Variants in ZFHX3 observed in about 807,000 individuals in gnomAD.
The protein encoded by ZFHX3 is zinc finger homeobox 3, also known as zinc finger homeobox protein 3.
Under a neutral mutation model 279.1 loss-of-function variants are expected in ZFHX3, and 42 were observed. The ratio of observed to expected loss-of-function variants is 0.15; its 90% CI spans 0.12 to 0.19. The LOEUF (loss-of-function observed/expected upper bound fraction) is 0.19, where lower values mean the gene tolerates loss of function less well. ZFHX3 is among the 10% of genes least tolerant of loss of function. The pLI, the probability that ZFHX3 is intolerant of heterozygous loss-of-function variation, is 1.00. For missense variants in ZFHX3, 4,981 were observed against 4,754.0 expected (o/e 1.05, Z -1.40); for synonymous variants, 2,293 against 1,957.8 (o/e 1.17, Z -4.52).
chr16:72,990,778 C>T (rs779014622), intron 1 of ZFHX3, among the ~76,000 whole-genome samples: 9 of 152,060 alleles, frequency 5.9e-5, no homozygotes, highest in Non-Finnish European at 1.2e-4. Context: ...GCCAGGACTT[C>T]GAGACCAGCC....
At chr16:73,821,759 C>A (rs999333922) in intron 1 of ZFHX3, among the ~76,000 whole-genome samples, 1 of 152,208 alleles carries the variant, frequency 6.6e-6, no homozygotes, top group African/African-American at 2.4e-5. Context: ...CTGCAGCCTA[C>A]AGCAGACATA....
At chr16:72,827,179 C>G (rs2036953412) in intron 5 of ZFHX3, among the ~76,000 whole-genome samples, 1 of 152,180 alleles carries the variant, frequency 6.6e-6, no homozygotes, top group African/African-American at 2.4e-5. Context: ...TATGTTGCTT[C>G]TCCCTCAGCT....
At chr16:73,195,985 A>G (rs1304729403) in intron 5 of ZFHX3, among the ~76,000 whole-genome samples, 1 of 152,188 alleles carries the variant, frequency 6.6e-6, no homozygotes, top group Non-Finnish European at 1.5e-5. Flanking sequence ...ATTGCCTAAC[A>G]CACATGCCGT....
At chr16:73,199,313 T>C (rs982283520) in intron 5 of ZFHX3, among the ~76,000 whole-genome samples, 1 of 152,182 alleles carries the variant, frequency 6.6e-6, no homozygotes, top group African/African-American at 2.4e-5. Context: ...GACAAAGAAA[T>C]TGCCATATTT....
intron 3 of ZFHX3, among the ~76,000 whole-genome samples, chr16:73,332,934 C>T (rs1401182272): frequency 1.3e-5 from 2 of 152,094 alleles, no homozygotes; most frequent in African/African-American, 4.8e-5. Flanking sequence ...TTGTACTTCC[C>T]TCTTTCCTTT....
intron 3 of ZFHX3, among the ~76,000 whole-genome samples, chr16:73,436,563 G>T (rs370110950): frequency 1.3e-5 from 2 of 152,136 alleles, no homozygotes; most frequent in Admixed American, 6.5e-5. Flanking sequence ...TCCACAACAC[G>T]TGGGAATTAT....
chr16:73,638,961 A>T (rs925539495), intron 2 of ZFHX3, among the ~76,000 whole-genome samples: 1 of 152,190 alleles, frequency 6.6e-6, no homozygotes, highest in Non-Finnish European at 1.5e-5. Flanking sequence ...CTGAAAAGAG[A>T]AGAGAGAAGC....
At chr16:73,858,504 T>C (rs935257866) in intron 1 of ZFHX3, among the ~76,000 whole-genome samples, 2 of 152,234 alleles carry the variant, frequency 1.3e-5, no homozygotes, top group African/African-American at 4.8e-5. Flanking sequence ...TTGCACTGTG[T>C]CACACTATAT....
chr16:73,815,151 C>T (rs79900554), intron 1 of ZFHX3, among the ~76,000 whole-genome samples: 123 of 152,270 alleles, frequency 8.1e-4, no homozygotes, highest in African/African-American at 2.9e-3. Context: ...ATAATGAGAA[C>T]GATGCCAATT....
At chr16:73,273,417 T>C (rs2014205552) in intron 4 of ZFHX3, among the ~76,000 whole-genome samples, 1 of 152,174 alleles carries the variant, frequency 6.6e-6, no homozygotes, top group Admixed American at 6.6e-5. Context: ...ATAAAATGAG[T>C]TCTGACTCCG....
chr16:72,924,907 T>C (rs957438047), intron 3 of ZFHX3, among the ~76,000 whole-genome samples: 1 of 152,194 alleles, frequency 6.6e-6, no homozygotes, highest in Non-Finnish European at 1.5e-5. Context: ...TCCCATTTCC[T>C]CCTACCCTTT....
At chr16:73,584,666 G>A (rs921317687) in intron 2 of ZFHX3, among the ~76,000 whole-genome samples, 3 of 152,182 alleles carry the variant, frequency 2.0e-5, no homozygotes, top group Non-Finnish European at 2.9e-5. Context: ...ATAAGGTCAG[G>A]TCATAGGCAT....
intron 1 of ZFHX3, among the ~76,000 whole-genome samples, chr16:73,723,065 T>C (rs895952272): frequency 2.6e-5 from 4 of 152,174 alleles, no homozygotes; most frequent in African/African-American, 9.7e-5. Flanking sequence ...AATGAGACCA[T>C]ACTCGCCATC....
rs770771432 is a variant in ZFHX3 at position 72,793,607 on chromosome 16, C to T, written c.9075G>A (p.Glu3025=). 3 of 1,614,076 alleles carry T rather than the reference C, an allele frequency of 1.9e-6. No individual in the cohort carries two copies. The highest frequency in any genetic ancestry group is 1.3e-5 in the African/African-American group (1 of 74,930). The change falls in exon 9 of 10, where the codon GAG becomes GAA. Residue 3025 remains glutamate, a synonymous_variant. Coordinates refer to ENST00000268489, the MANE Select transcript of ZFHX3 (RefSeq NM_006885.4). The surrounding 1 kb of genome is among the most constrained non-coding windows in gnomAD (Gnocchi z 4.3). The part of the protein sequence containing the change: ...NQTSYEGPKT[E]CTLCGIKYSA... ...TGTACTTGATGCCACACAAAGTGCACTCTGTTTTGGGTCCCTCATAACTCG... is the reference window on the plus strand; with the variant it reads ...TGTACTTGATGCCACACAAAGTGCATTCTGTTTTGGGTCCCTCATAACTCG...
At chr16:73,865,795 T>C (rs541748604) in intron 1 of ZFHX3, among the ~76,000 whole-genome samples, 23 of 150,286 alleles carry the variant, frequency 1.5e-4, no homozygotes, top group African/African-American at 4.9e-4. Context: ...CTGGCTAACA[T>C]GGTAAAACCC....
intron 2 of ZFHX3, among the ~76,000 whole-genome samples, chr16:73,567,271 C>T (rs1426297222): frequency 1.3e-5 from 2 of 151,560 alleles, no homozygotes; most frequent in Non-Finnish European, 2.9e-5. Flanking sequence ...CTGCAAAGGC[C>T]GTATATCCAA....
chr16:73,177,798 A>G (rs866972064), intron 5 of ZFHX3, among the ~76,000 whole-genome samples: 3 of 152,264 alleles, frequency 2.0e-5, no homozygotes, highest in South Asian at 2.1e-4. Flanking sequence ...CAAGGAATTT[A>G]TAGCTTAGTG....
intron 2 of ZFHX3, among the ~76,000 whole-genome samples, chr16:73,464,087 C>A (rs2018519268): frequency 1.3e-5 from 2 of 151,894 alleles, no homozygotes; most frequent in Non-Finnish European, 2.9e-5. Context: ...TTTTTTTTCT[C>A]CTAAGTGCCT....
intron 2 of ZFHX3, among the ~76,000 whole-genome samples, chr16:73,635,659 T>G (rs1328901055): frequency 6.6e-6 from 1 of 152,064 alleles, no homozygotes; most frequent in African/African-American, 2.4e-5. Flanking sequence ...CCCTGTGATC[T>G]TGATTTCATT....
Sources: allele counts gnomAD v4.1 joint callset (sites outside exome capture counted in the v4.1 genomes callset), GRCh38; gene constraint gnomAD v4.1.1; non-coding constraint Gnocchi (gnomAD v3.1); transcripts MANE v1.5; gene names NCBI Gene and HGNC (gene_info 2026-07-23, HGNC 2026-07-21).